MMP20: variants seen among roughly 807,000 people sequenced by gnomAD.
MMP20 encodes matrix metallopeptidase 20.
MMP20 carries 50 observed loss-of-function variants against 51.8 expected under a neutral mutation model. The observed-to-expected ratio is 0.97, with a 90% CI of 0.77 to 1.22. MMP20 has a LOEUF of 1.22. Among genes scored for constraint, MMP20 ranks in the 50% most tolerant of loss-of-function variants. MMP20 has a pLI of 0.00. For synonymous variants in MMP20, 244 were observed against 216.2 expected, an observed-to-expected ratio of 1.13 and a Z score of -1.13; for missense variants, 663 against 601.4, an observed-to-expected ratio of 1.10 and a Z score of -1.07.
intron 8 of MMP20, among the ~76,000 whole-genome samples, chr11:102,584,280 C>T (rs1317102492): frequency 2.6e-5 from 4 of 152,158 alleles, no homozygotes; most frequent in Non-Finnish European, 4.4e-5. Flanking sequence ...TCCATATTCT[C>T]ACCAACACTT....
intron 6 of MMP20, among the ~76,000 whole-genome samples, chr11:102,601,864 C>T (rs941805815): frequency 1.3e-5 from 2 of 152,128 alleles, no homozygotes; most frequent in Admixed American, 1.3e-4. Context: ...ACTGGTGAGT[C>T]CTCAGAATGC....
At chr11:102,603,820 C>G (rs1390441234) in intron 6 of MMP20, among the ~76,000 whole-genome samples, 1 of 152,166 alleles carries the variant, frequency 6.6e-6, no homozygotes, top group Non-Finnish European at 1.5e-5. Context: ...GGTGACTAAG[C>G]AGATACGTAC....
chr11:102,602,186 T>C (rs1859456876), intron 6 of MMP20, among the ~76,000 whole-genome samples: 1 of 142,904 alleles, frequency 7.0e-6, no homozygotes, highest in Admixed American at 7.2e-5. Context: ...GCCAGGATGG[T>C]CTCCATCTCC....
chr11:102,580,153 GCAAC>G (rs1037446982), intron 8 of MMP20, among the ~76,000 whole-genome samples: 8 of 152,188 alleles, frequency 5.3e-5, no homozygotes, highest in Non-Finnish European at 8.8e-5. Flanking sequence ...TTCTGGATCA[GCAAC>G]CAGCATTCAA....
intron 6 of MMP20, among the ~76,000 whole-genome samples, chr11:102,604,583 C>T (rs145841910): frequency 1.3e-5 from 2 of 152,266 alleles, no homozygotes; most frequent in Non-Finnish European, 2.9e-5. Context: ...AGCAGTAGGG[C>T]CACCCACTGA....
At chr11:102,618,805 T>C (rs1419718776) in intron 1 of MMP20, among the ~76,000 whole-genome samples, 1 of 152,124 alleles carries the variant, frequency 6.6e-6, no homozygotes, top group African/African-American at 2.4e-5. Flanking sequence ...ATTCCAAAAG[T>C]TTTTACAATG....
At position 102,593,609 on chromosome 11, in the gene MMP20, T is replaced by A. The variant is rs1389402329; in HGVS notation, c.1091-14A>T. The A allele has an allele frequency of 6.2e-7, 1 of 1,613,914 alleles. No individual in the cohort carries two copies. Among genetic ancestry groups the A allele is most frequent in the Non-Finnish European group, 8.5e-7 (1 of 1,179,854 alleles). ...AGTAGTGGGGACCTGAAAACAGAAA[T>A]TAAAGTTTACGAAAACTCTGCACCA... On this transcript the variant is annotated splice_polypyrimidine_tract_variant and intron_variant, in intron 7 of 9. Coordinates refer to ENST00000260228, the MANE Select transcript of MMP20 (RefSeq NM_004771.4).
At chr11:102,582,052 A>G (rs559292448) in intron 8 of MMP20, among the ~76,000 whole-genome samples, 2 of 152,266 alleles carry the variant, frequency 1.3e-5, no homozygotes, top group East Asian at 3.9e-4. Context: ...GATTCAAGGT[A>G]TTTACATTTA....
At chr11:102,588,234 C>G (rs1350653157) in intron 8 of MMP20, among the ~76,000 whole-genome samples, 2 of 152,070 alleles carry the variant, frequency 1.3e-5, no homozygotes, top group Non-Finnish European at 2.9e-5. Flanking sequence ...CTATATAACT[C>G]TATTTCTCTC....
At chr11:102,577,505 T>C (rs917632170) in intron 9 of MMP20, 79 bp from the exon 10 acceptor site, 1 of 1,003,044 alleles carries the variant, frequency 1.0e-6, no homozygotes, top group Admixed American at 1.9e-5. Flanking sequence ...CACTGTCACT[T>C]TCTTAAAGTG....
At chr11:102,613,600 A>T (rs1158896586) in intron 2 of MMP20, among the ~76,000 whole-genome samples, 1 of 152,186 alleles carries the variant, frequency 6.6e-6, no homozygotes, top group Non-Finnish European at 1.5e-5. Context: ...TATAATGCAG[A>T]TGGTGCAATT....
chr11:102,583,953 C>T (rs913840415), intron 8 of MMP20, among the ~76,000 whole-genome samples: 2 of 152,124 alleles, frequency 1.3e-5, no homozygotes, highest in Non-Finnish European at 1.5e-5. Context: ...TACCATGTAC[C>T]AGCATTTCAT....
chr11:102,611,737 A>T lies in MMP20; in HGVS notation c.523+18T>A. On this transcript the variant is annotated intron_variant, in intron 3 of 9. Coordinates refer to ENST00000260228, the MANE Select transcript of MMP20 (RefSeq NM_004771.4). ...ACTCTCCTTTGAATTAGTAGATGGA[A>T]TCCAAGTACCACAATACCTCCATTT... 1 of 1,612,772 alleles carries T rather than the reference A, an allele frequency of 6.2e-7. No homozygotes were observed. The highest frequency in any genetic ancestry group is 8.5e-7 in the Non-Finnish European group (1 of 1,179,832).
chr11:102,583,195 C>G (rs1859215810), intron 8 of MMP20, among the ~76,000 whole-genome samples: 2 of 152,154 alleles, frequency 1.3e-5, no homozygotes, highest in African/African-American at 4.8e-5. Context: ...GAAATGACCC[C>G]CAACTAGTCA....
At chr11:102,608,251 A>G (rs916053574) in intron 5 of MMP20, 2 of 152,224 alleles carry the variant, frequency 1.3e-5, no homozygotes, top group African/African-American at 2.4e-5. Flanking sequence ...AAAAATTGTC[A>G]AGGTCTAAGG....
chr11:102,583,606 T>C (rs1193731574), intron 8 of MMP20: 1 of 152,204 alleles, frequency 6.6e-6, no homozygotes, highest in African/African-American at 2.4e-5. Flanking sequence ...CACTCTAGGA[T>C]GTTCACTGAT....
At position 102,594,908 on chromosome 11, in the gene MMP20, CTTTT is replaced by C. The variant is rs10532934; in HGVS notation, c.954-155_954-152del. On this transcript the variant is annotated intron_variant, in intron 6 of 9. Coordinates refer to ENST00000260228, the MANE Select transcript of MMP20 (RefSeq NM_004771.4). ...CCTTGCCTTGTTTTTTTTCTCTTTT[CTTTT>C]TTTTTTTTTTTGAGATGGAGTCTTG... The C allele has an allele frequency of 0.47, 368,819 of 781,162 alleles. 64,880 individuals carry two copies. Among genetic ancestry groups the C allele is most frequent in the South Asian group, 0.53 (27,387 of 51,762 alleles). The allele number at this position is 781,162 out of a possible 1,614,324, so 48.4% of individuals were successfully genotyped here. A position where few individuals can be genotyped will look rare whatever the true frequency, so the allele number is the denominator to read the frequency against.
rs555548044 is a variant in MMP20, at chr11:102,625,199, C to G, written c.121G>C (p.Ala41Pro). ...PRTWRNNYRL[A>P]QAYLDKYYTN... ...TTGGGCAAAAATTCACAAACCTGTG[C>G]GAGGCGGTAGTTGTTCCTCCAGGTC... Residue 41 changes from alanine to proline, a missense_variant, in exon 1 of 10, where the codon GCA becomes CCA. Transcript: ENST00000260228. The G allele has an allele frequency of 3.1e-6, 5 of 1,613,670 alleles. No homozygotes were observed. The highest frequency in any genetic ancestry group is 8.5e-7 in the Non-Finnish European group (1 of 1,179,848).
chr11:102,598,771 G>T (rs1859412206), intron 6 of MMP20, among the ~76,000 whole-genome samples: 2 of 152,124 alleles, frequency 1.3e-5, no homozygotes, highest in African/African-American at 2.4e-5. Flanking sequence ...GATGCATGTT[G>T]TTGAGCCTTA....
Sources: gnomAD v4.1 joint callset for allele counts (sites outside exome capture counted in the v4.1 genomes callset) on GRCh38, gnomAD v4.1.1 for gene constraint, MANE v1.5 for transcripts, NCBI Gene and HGNC (gene_info 2026-07-23, HGNC 2026-07-21) for gene names.